PCDH7: variants seen among roughly 807,000 people sequenced by gnomAD.
PCDH7 encodes the protein protocadherin 7.
In PCDH7, 17 loss-of-function variants were observed where a neutral mutation model predicts 58.9. The ratio of observed to expected loss-of-function variants is 0.29; its 90% CI spans 0.20 to 0.43. PCDH7 has a LOEUF of 0.43. PCDH7 is among the 20% of genes least tolerant of loss of function. PCDH7 has a pLI of 1.00. For missense variants in PCDH7, 1,274 were observed against 1,441.0 expected, an observed-to-expected ratio of 0.88 and a Z score of 1.88; for synonymous variants, 664 against 616.4, an observed-to-expected ratio of 1.08 and a Z score of -1.14.
intron 1 of PCDH7, among the ~76,000 whole-genome samples, chr4:30,896,889 C>CTTTTGTTTTTTT (rs1739469341): frequency 3.7e-5 from 1 of 27,338 alleles, no homozygotes; most frequent in Non-Finnish European, 6.2e-5. Context: ...TAGTTCTTTG[C>CTTTTGTTTTTTT]TTTTTTTTTT....
intron 3 of PCDH7, among the ~76,000 whole-genome samples, chr4:30,985,237 A>T (rs753599010): frequency 1.8e-4 from 28 of 152,312 alleles, no homozygotes; most frequent in African/African-American, 6.7e-4. Context: ...GATTACAGGC[A>T]TGAGCCACCA....
chr4:30,820,450 C>T (rs1728240112), intron 1 of PCDH7, among the ~76,000 whole-genome samples: 1 of 152,022 alleles, frequency 6.6e-6, no homozygotes, highest in African/African-American at 2.4e-5. Context: ...CAAGGAGTTG[C>T]GTATTTGACT....
At chr4:31,039,102 T>G (rs1414407456) in intron 3 of PCDH7, among the ~76,000 whole-genome samples, 1 of 152,146 alleles carries the variant, frequency 6.6e-6, no homozygotes, top group Non-Finnish European at 1.5e-5. Flanking sequence ...GAATTATCAA[T>G]TCTAAATATC....
At chr4:31,011,358 C>A (rs1177701169) in intron 3 of PCDH7, among the ~76,000 whole-genome samples, 1 of 151,956 alleles carries the variant, frequency 6.6e-6, no homozygotes, top group African/African-American at 2.4e-5. Flanking sequence ...GGAACTTGTT[C>A]TCTTTGTAAA....
chr4:30,786,181 G>A (rs1723365671), intron 1 of PCDH7, among the ~76,000 whole-genome samples: 1 of 152,020 alleles, frequency 6.6e-6, no homozygotes, highest in African/African-American at 2.4e-5. Context: ...GCCATTTGTT[G>A]ATAGCATATA....
intron 3 of PCDH7, among the ~76,000 whole-genome samples, chr4:30,977,800 G>T (rs1269726454): frequency 1.3e-5 from 2 of 152,084 alleles, no homozygotes; most frequent in Non-Finnish European, 2.9e-5. Context: ...GTCCTCTGAG[G>T]ATCTCTGGAG....
At chr4:31,065,970 T>C (rs1335468927) in intron 3 of PCDH7, among the ~76,000 whole-genome samples, 6 of 151,838 alleles carry the variant, frequency 4.0e-5, no homozygotes, top group Non-Finnish European at 7.4e-5. Flanking sequence ...GGTAATTGAG[T>C]GTTAGACCTA....
intron 3 of PCDH7, among the ~76,000 whole-genome samples, chr4:30,952,289 A>G (rs781563783): frequency 3.9e-5 from 6 of 152,164 alleles, no homozygotes; most frequent in African/African-American, 4.8e-5. Context: ...TCACACAGAA[A>G]GAAGAAAATT....
intron 1 of PCDH7, among the ~76,000 whole-genome samples, chr4:30,864,976 C>T (rs909488272): frequency 1.3e-5 from 2 of 151,994 alleles, no homozygotes; most frequent in African/African-American, 2.4e-5. Context: ...GTGTGGCTTT[C>T]ACAACAAAAT....
At chr4:30,920,937 G>C (rs934942313) in intron 2 of PCDH7, among the ~76,000 whole-genome samples, 1 of 151,092 alleles carries the variant, frequency 6.6e-6, no homozygotes, top group African/African-American at 2.5e-5. Context: ...TCAAGTATAA[G>C]GTTTTTTTTT....
At chr4:30,967,380 T>A (rs974295600) in intron 3 of PCDH7, among the ~76,000 whole-genome samples, 1 of 152,146 alleles carries the variant, frequency 6.6e-6, no homozygotes, top group Non-Finnish European at 1.5e-5. Context: ...ATATTTAGAA[T>A]CAAGCAATTC....
chr4:31,061,923 A>T (rs892785038), intron 3 of PCDH7, among the ~76,000 whole-genome samples: 4 of 151,664 alleles, frequency 2.6e-5, no homozygotes, highest in Non-Finnish European at 5.9e-5. Context: ...ATTCTGAGTA[A>T]CATAATTTTC....
chr4:30,788,138 T>A (rs914740318), intron 1 of PCDH7, among the ~76,000 whole-genome samples: 4 of 151,988 alleles, frequency 2.6e-5, no homozygotes, highest in Non-Finnish European at 4.4e-5. Flanking sequence ...TAGAAAAAAA[T>A]AGGGAAATAT....
chr4:30,755,334 T>C (rs1390232611), intron 1 of PCDH7, among the ~76,000 whole-genome samples: 1 of 152,178 alleles, frequency 6.6e-6, no homozygotes, highest in Non-Finnish European at 1.5e-5. Flanking sequence ...ATAATTGCTT[T>C]TATTGAGAGA....
At chr4:31,068,962 T>C (rs570518681) in intron 3 of PCDH7, among the ~76,000 whole-genome samples, 57 of 151,990 alleles carry the variant, frequency 3.8e-4, no homozygotes, top group Non-Finnish European at 8.1e-4. Context: ...TGGCTCCAGA[T>C]ACTTTTTTGG....
At chr4:30,976,694 C>T (rs927676814) in intron 3 of PCDH7, among the ~76,000 whole-genome samples, 3 of 151,988 alleles carry the variant, frequency 2.0e-5, no homozygotes, top group Non-Finnish European at 4.4e-5. Context: ...CCACTGCACC[C>T]GGCCCATAAA....
chr4:31,118,732 G>A (rs552691112), intron 3 of PCDH7, among the ~76,000 whole-genome samples: 85 of 152,252 alleles, frequency 5.6e-4, no homozygotes, highest in African/African-American at 1.6e-3. Context: ...TGATACTTAT[G>A]TAAGATACCT....
intron 1 of PCDH7, among the ~76,000 whole-genome samples, chr4:30,897,740 T>C (rs533395745): frequency 5.3e-5 from 8 of 152,348 alleles, no homozygotes; most frequent in African/African-American, 1.7e-4. Context: ...TTTATCTCTT[T>C]GAAATAAATT....
intron 1 of PCDH7, among the ~76,000 whole-genome samples, chr4:30,863,219 C>G (rs926972794): frequency 6.6e-6 from 1 of 152,062 alleles, no homozygotes; most frequent in African/African-American, 2.4e-5. Context: ...TGGTTTCCTG[C>G]CCAGAAAATG....
Sources: gnomAD v4.1 joint callset for allele counts (sites outside exome capture counted in the v4.1 genomes callset) on GRCh38, gnomAD v4.1.1 for gene constraint, MANE v1.5 for transcripts, NCBI Gene and HGNC (gene_info 2026-07-23, HGNC 2026-07-21) for gene names.